Variants in CBARP observed in about 807,000 individuals in gnomAD.
CBARP encodes voltage-dependent calcium channel beta subunit-associated regulatory protein.
Under a neutral mutation model 36.3 loss-of-function variants are expected in CBARP, and 24 were observed. The ratio of observed to expected loss-of-function variants is 0.66; its 90% confidence interval spans 0.48 to 0.93. The LOEUF is 0.93. CBARP is among the 40% of genes least tolerant of loss of function. The pLI is 0.00. For synonymous variants in CBARP, 586 were observed against 453.2 expected (o/e 1.29, Z -3.72); for missense variants, 1,146 against 980.4 (o/e 1.17, Z -2.26).
In CBARP at chr19:1,230,068, GGCCCCGCGCTGCCC is replaced by G; in HGVS notation, c.1215_1228del (p.Gly406Ter). On this transcript the variant is annotated frameshift_variant, in exon 10 of 10. Coordinates refer to ENST00000650044, the MANE Select transcript of CBARP (RefSeq NM_001393918.1). LOFTEE classifies it low-confidence loss of function (END_TRUNC). ...CTCCAGTGGCGGCTGCTGCTGCTCA[GGCCCCGCGCTGCCC>G]GCGCCGCGCTCCGGGGGGGAATCGG... is the stretch of plus-strand genomic sequence containing the variant. The G allele has an allele frequency of 1.7e-6, 2 of 1,148,608 alleles. No individual in the cohort carries two copies. The highest frequency in any genetic ancestry group is 2.2e-6 in the Non-Finnish European group (2 of 922,858). The allele number at this position is 1,148,608 out of a possible 1,614,324, so 71.2% of individuals were successfully genotyped here.
Position 1,236,126 on chromosome 19 carries a change from G to C in CBARP, c.-21-5C>G. ...TCTGAACTGGGGAGGAGGGCCCTGT[G>C]GGGAGGAAGCCTGGTCAGCTCCAGC... On this transcript the variant is annotated splice_region_variant and splice_polypyrimidine_tract_variant and intron_variant, in intron 1 of 9. Transcript: ENST00000650044. 3.5e-6 allele frequency: 5 copies of C among 1,418,812 alleles called. No homozygotes were observed. Among genetic ancestry groups the C allele is most frequent in the Non-Finnish European group, 3.7e-6 (4 of 1,090,234 alleles). 87.9% of individuals were successfully genotyped at this position (1,418,812 alleles called of 1,614,324 possible). A position where few individuals can be genotyped will look rare whatever the true frequency, so the allele number is the denominator to read the frequency against.
Position 1,229,485 on chromosome 19 carries a change from C to T in CBARP, c.1812G>A (p.Pro604=), listed in dbSNP as rs969600366. The change falls in exon 10 of 10, where the codon CCG becomes CCA. Residue 604 remains proline, a synonymous_variant. Transcript: ENST00000650044. This position sits in a 1 kb window ranked among gnomAD's most constrained non-coding sequence, Gnocchi z 5.1. ...GCGCGGGTCGGGCCGCGCCGGCAGG[C>T]GGTGCCGGGGTTCCGGCCAGGGCCG... is the stretch of plus-strand genomic sequence containing the variant. The part of the protein sequence containing the change: ...AAPALAGTPA[P]PAGAARPARA... 99 of 978,992 alleles carry T rather than the reference C, an allele frequency of 1.0e-4. No individual in the cohort carries two copies. Among genetic ancestry groups the T allele is most frequent in the Non-Finnish European group, 1.1e-4 (89 of 827,656 alleles). 60.6% of individuals were successfully genotyped at this position (978,992 alleles called of 1,614,324 possible).
intron 1 of CBARP, among the ~76,000 whole-genome samples, chr19:1,237,354 C>T: frequency 6.6e-6 from 1 of 151,854 alleles, no homozygotes; most frequent in Non-Finnish European, 1.5e-5. Flanking sequence ...GGATGGTGAC[C>T]GGAGGCCGGG....
intron 1 of CBARP, among the ~76,000 whole-genome samples, chr19:1,236,366 C>T (rs867072535): frequency 1.3e-5 from 2 of 152,308 alleles, no homozygotes; most frequent in Middle Eastern, 3.4e-3. Flanking sequence ...TCTGAGGGTG[C>T]GCCTGTACCC....
rs866471851 is a variant in CBARP, at chr19:1,229,310, C to A, written c.1987G>T (p.Gly663Trp). 8.0e-7 allele frequency: 1 copy of A among 1,253,688 alleles called. No individual in the cohort carries two copies. Among genetic ancestry groups the A allele is most frequent in the Non-Finnish European group, 1.0e-6 (1 of 975,484 alleles). The allele number at this position is 1,253,688 out of a possible 1,614,324, so 77.7% of individuals were successfully genotyped here. The part of the protein sequence containing the change: ...PGSGLCVLPS[G>W]SVLDKLAAGL... ...GCCGCCAGCTTGTCCAGCACCGACC[C>A]GGATGGTAGGACGCACAGGCCCGAG... is the stretch of plus-strand genomic sequence containing the variant. Residue 663 changes from glycine (G) to tryptophan (W), a missense_variant, in exon 10 of 10, where the codon GGG (glycine) becomes TGG (tryptophan). Physicochemically the swap from Gly to Trp is radical, Grantham distance 184 (BLOSUM62 -2). Transcript: ENST00000650044. The surrounding 1 kb of genome is among the most constrained non-coding windows in gnomAD (Gnocchi z 5.1).
At chr19:1,230,996 G>A (rs1353093901) in intron 9 of CBARP, 105 bp downstream of exon 9, 7 of 1,546,782 alleles carry the variant, frequency 4.5e-6, no homozygotes, top group African/African-American at 1.4e-5. Flanking sequence ...AGGCGAGCGC[G>A]TGTCCACGGG....
intron 4 of CBARP, 142 bp from the exon 5 acceptor site, chr19:1,235,287 C>T: frequency 9.1e-7 from 1 of 1,098,498 alleles, no homozygotes; most frequent in Non-Finnish European, 1.2e-6. Flanking sequence ...GCGAGGGACA[C>T]TCGTCCATCC....
chr19:1,238,246 G>A (rs1019577433), upstream of CBARP: 5 of 143,590 alleles, frequency 3.5e-5, no homozygotes, highest in Middle Eastern at 3.5e-3. Context: ...GTGCGCAGGA[G>A]GGGGTGGGGT....
Position 1,234,934 on chromosome 19 carries a change from C to G in CBARP, c.455+67G>C, listed in dbSNP as rs1011870008. 7.1e-6 allele frequency: 11 copies of G among 1,546,038 alleles called. No homozygotes were observed. The African/African-American group carries it at 1.5e-4, about 21-fold the overall frequency. On this transcript the variant is annotated intron_variant, in intron 5 of 9. Coordinates refer to ENST00000650044, the MANE Select transcript of CBARP (RefSeq NM_001393918.1). ...TCCCTGCAGCCTCCGCACCCAGCTCCTCCCCCGTCCCGGCGGCCAGGACCT... is the reference window on the plus strand; with the variant it reads ...TCCCTGCAGCCTCCGCACCCAGCTCGTCCCCCGTCCCGGCGGCCAGGACCT...
At chr19:1,231,586 AC>A (rs1171693525) in intron 8 of CBARP, among the ~76,000 whole-genome samples, 1 of 50,048 alleles carries the variant, frequency 2.0e-5, no homozygotes, top group Non-Finnish European at 3.5e-5. Context: ...ACGCCTGTGC[AC>A]CCCCCATGCC....
At chr19:1,230,639 C>T in intron 9 of CBARP, 9 of 1,264,388 alleles carry the variant, frequency 7.1e-6, no homozygotes, top group Non-Finnish European at 8.0e-6. Flanking sequence ...AGCCCCACGC[C>T]CCATTCCCAT....
At chr19:1,231,030 G>A in intron 9 of CBARP, 71 bp downstream of exon 9, 5 of 1,553,104 alleles carry the variant, frequency 3.2e-6, no homozygotes, top group African/African-American at 1.4e-5. Context: ...TCCCTGGGCC[G>A]CCTAGGGGGG....
At chr19:1,232,657 G>C (rs1261062801) in intron 8 of CBARP, among the ~76,000 whole-genome samples, 1 of 152,234 alleles carries the variant, frequency 6.6e-6, no homozygotes, top group African/African-American at 2.4e-5. Context: ...CAGAATTGAA[G>C]GGCTACTGTC....
Position 1,235,485 on chromosome 19 carries a change from C to T in CBARP, c.310+16G>A, listed in dbSNP as rs761726503. On this transcript the variant is annotated intron_variant, in intron 4 of 9. Coordinates refer to ENST00000650044, the MANE Select transcript of CBARP (RefSeq NM_001393918.1). ...ATGGACAGGCGAGCGCACAGCCAGGCTGGCCAGCACCTCACCTTGGGCTGG... is the reference window on the plus strand; with the variant it reads ...ATGGACAGGCGAGCGCACAGCCAGGTTGGCCAGCACCTCACCTTGGGCTGG... 11 of 1,571,080 alleles carry T rather than the reference C, an allele frequency of 7.0e-6. No homozygotes were observed. The Admixed American group carries it at 2.0e-4, about 28-fold the overall frequency.
chr19:1,231,415 CCACA>C (rs1237728366), intron 8 of CBARP, 140 bp from the exon 9 acceptor site: 38 of 1,274,334 alleles, frequency 3.0e-5, no homozygotes, highest in Non-Finnish European at 3.5e-5. Context: ...TGGACCCCCA[CCACA>C]CACACACAAC....
Position 1,231,243 on chromosome 19 carries a change from G to C in CBARP, c.1012C>G (p.Arg338Gly). The C allele has an allele frequency of 1.9e-6, 3 of 1,601,754 alleles. No homozygotes were observed. The highest frequency in any genetic ancestry group is 1.7e-6 in the Non-Finnish European group (2 of 1,179,530). The change falls in exon 9 of 10, where the codon CGG becomes GGG. Residue 338 changes from arginine (R) to glycine (G), a missense_variant. Physicochemically the swap from Arg to Gly is moderately radical, Grantham distance 125. Transcript: ENST00000650044. ...TGCTCCGTGCTCTCACTGGCTGCCC[G>C]CTGCCGCTGGAAGTGGTGCCGCTTG... ...SPKRHHFQRQ[R>G]AASESTEQEE...
chr19:1,230,822 G>C (rs1475213292), intron 9 of CBARP: 7 of 1,470,956 alleles, frequency 4.8e-6, no homozygotes, highest in African/African-American at 2.9e-5. Context: ...TCAGGCCTCG[G>C]ACTCCACCAG....
intron 4 of CBARP, 106 bp downstream of exon 4, chr19:1,235,395 T>TG (rs1568744977): frequency 7.9e-7 from 1 of 1,269,802 alleles, no homozygotes. Flanking sequence ...CCCAGTCTGG[T>TG]GGGGGAGACA....
Position 1,229,901 on chromosome 19 carries a change from C to T in CBARP, c.1396G>A (p.Gly466Ser). The change falls in exon 10 of 10, where the codon GGC becomes AGC. Residue 466 changes from glycine to serine, a missense_variant. Gly to Ser is a moderately conservative substitution (Grantham distance 56). Coordinates refer to ENST00000650044, the MANE Select transcript of CBARP (RefSeq NM_001393918.1). This position sits in a 1 kb window ranked among gnomAD's most constrained non-coding sequence, Gnocchi z 5.1. ...SGNDRDSVRS[G>S]DSSGSGSGGA... is the part of the protein sequence containing the mutation. ...CCGGAGCCTGAGCCCGAGCTGTCGC[C>T]GCTGCGCACCGAGTCGCGGTCGTTG... 3.7e-6 allele frequency: 4 copies of T among 1,088,732 alleles called. No homozygotes were observed. The highest frequency in any genetic ancestry group is 4.5e-6 in the Non-Finnish European group (4 of 880,124). 67.4% of individuals were successfully genotyped at this position (1,088,732 alleles called of 1,614,324 possible).
Sources: gnomAD v4.1 joint callset for allele counts (sites outside exome capture counted in the v4.1 genomes callset) on GRCh38, gnomAD v4.1.1 for gene constraint, Gnocchi (gnomAD v3.1) non-coding constraint, MANE v1.5 for transcripts, NCBI Gene and HGNC (gene_info 2026-07-23, HGNC 2026-07-21) for gene names.